The following EMID1 variants were observed in gnomAD, a reference collection of about 807,000 sequenced individuals.
EMID1 encodes the protein EMI domain containing 1, also known as EMI domain-containing protein 1.
In EMID1, 40 loss-of-function variants were observed where a neutral mutation model predicts 60.6. That is an observed-to-expected ratio of 0.66 (90% CI 0.51 to 0.86). The LOEUF (loss-of-function observed/expected upper bound fraction) is 0.86. Ranked by LOEUF, EMID1 falls within the 40% of genes least tolerant of loss-of-function variation. The probability of loss-of-function intolerance (pLI) is 0.00; values close to 1 mark genes in which losing one functional copy is unlikely to be tolerated. For synonymous variants in EMID1, 242 were observed against 231.0 expected (o/e 1.05, Z -0.43); for missense variants, 585 against 597.1 (o/e 0.98, Z 0.21).
chr22:29,216,774 C>A, intron 3 of EMID1: 1 of 601,496 alleles, frequency 1.7e-6, no homozygotes, highest in Non-Finnish European at 2.1e-6. Flanking sequence ...TCAGAACTCA[C>A]CACGCAGTGG....
chr22:29,249,590 A>T (rs75495924), intron 13 of EMID1, among the ~76,000 whole-genome samples: 170 of 30,334 alleles, frequency 5.6e-3, no homozygotes, highest in African/African-American at 0.014. Context: ...TACCTTTATT[A>T]TTTATTTATT....
At chr22:29,243,324 G>A (rs954906411) in intron 12 of EMID1, 121 bp from the exon 13 acceptor site, 2 of 983,666 alleles carry the variant, frequency 2.0e-6, no homozygotes, top group African/African-American at 3.2e-5. Flanking sequence ...TCCAATACAA[G>A]CTACTTTCTG....
Position 29,238,254 on chromosome 22 carries a change from A to AATTATTATT in EMID1, c.1074+3946_1074+3954dup, listed in dbSNP as rs3066719. 1.0e-4 allele frequency among the ~76,000 whole-genome samples: 12 copies of AATTATTATT among 116,682 alleles called. 2 individuals are homozygous for AATTATTATT. Among genetic ancestry groups the AATTATTATT allele is most frequent in the Non-Finnish European group, 1.7e-4 (10 of 59,236 alleles). 76.5% of individuals were successfully genotyped at this position (116,682 alleles called of 152,430 possible). ...TTTGATTCTCTGAAGTTTTTCTAAA[A>AATTATTATT]ATTATTATTATTATTATTATTATTA... On this transcript the variant is annotated intron_variant, in intron 12 of 14. Transcript: ENST00000334018.
chr22:29,255,265 C>A, intron 14 of EMID1: 1 of 1,471,868 alleles, frequency 6.8e-7, no homozygotes, highest in Non-Finnish European at 9.1e-7. Context: ...CTCCATCTCC[C>A]ATCAGGCTCC....
In EMID1 at chr22:29,238,575, G is replaced by A. The variant is rs1379277776; in HGVS notation, c.1074+4226G>A. ...TGGGATTACAGGCACCTGCCATCAC[G>A]CCCGGCTAATTTTTTGTATTTTTAG... is the stretch of plus-strand genomic sequence containing the variant. On this transcript the variant is annotated intron_variant, in intron 12 of 14. Coordinates refer to ENST00000334018, the MANE Select transcript of EMID1 (RefSeq NM_133455.4). Among the ~76,000 whole-genome samples the A allele has an allele frequency of 1.4e-5, 2 of 142,854 alleles. 1 individual carries two copies. The highest frequency in any genetic ancestry group is 5.6e-5 in the African/African-American group (2 of 35,884). 93.7% of individuals were successfully genotyped at this position (142,854 alleles called of 152,430 possible).
intron 13 of EMID1, among the ~76,000 whole-genome samples, chr22:29,244,656 AG>A (rs752876013): frequency 0.09 from 13,238 of 146,932 alleles, 869 homozygotes; most frequent in African/African-American, 0.14. Flanking sequence ...AAAAAAGAAA[AG>A]AAAAGAAAAT....
intron 3 of EMID1, among the ~76,000 whole-genome samples, chr22:29,222,834 A>G (rs976599491): frequency 2.0e-5 from 3 of 152,170 alleles, no homozygotes; most frequent in African/African-American, 2.4e-5. Context: ...GCTTATGCCT[A>G]TAATCCCAGC....
rs951452325 is a variant in EMID1, at chr22:29,206,002, C to T, written c.-37C>T. 10 of 1,181,086 alleles carry T rather than the reference C, an allele frequency of 8.5e-6. No homozygotes were observed. The African/African-American group carries it at 1.6e-4, about 19-fold the overall frequency. The allele number at this position is 1,181,086 out of a possible 1,614,324, so 73.2% of individuals were successfully genotyped here. On this transcript the variant is annotated 5_prime_UTR_variant, in exon 1 of 15. Coordinates refer to ENST00000334018, the MANE Select transcript of EMID1 (RefSeq NM_133455.4). ...GGGGAGGACAGGCTGGGGGCGGCGA[C>T]CGCGAGGGGCCGCGCGCGGAGGGCG...
chr22:29,242,380 A>G (rs2041185529), intron 12 of EMID1, among the ~76,000 whole-genome samples: 1 of 151,978 alleles, frequency 6.6e-6, no homozygotes, highest in Admixed American at 6.6e-5. Flanking sequence ...CTTTTTTATA[A>G]TTTATATATC....
intron 13 of EMID1, among the ~76,000 whole-genome samples, chr22:29,244,660 A>T (rs1462400562): frequency 1.3e-5 from 2 of 151,354 alleles, no homozygotes. Context: ...AAGAAAAGAA[A>T]AGAAAATAGA....
chr22:29,206,243 G>A, intron 1 of EMID1, 104 bp downstream of exon 1: 1 of 913,810 alleles, frequency 1.1e-6, no homozygotes, highest in Non-Finnish European at 1.4e-6. Context: ...CCAGTCCCCA[G>A]CCCGGGTGAG....
intron 12 of EMID1, among the ~76,000 whole-genome samples, chr22:29,239,872 G>T (rs1486884893): frequency 6.6e-6 from 1 of 150,908 alleles, no homozygotes; most frequent in Admixed American, 6.6e-5. Context: ...TGATTCTCGT[G>T]CATCAACCTC....
At position 29,258,953 on chromosome 22, in the gene EMID1, G is replaced by A. The variant is rs752920154; in HGVS notation, c.*9G>A. 3.1e-6 allele frequency: 5 copies of A among 1,610,696 alleles called. No homozygotes were observed. In the South Asian group the frequency reaches 4.4e-5, roughly 14 times the overall value. On this transcript the variant is annotated 3_prime_UTR_variant, in exon 15 of 15. Transcript: ENST00000334018. ...GGGACGAGAGAGGCTGAGGGTGGTG[G>A]CGGCCCCTGAGGCAGACCAGGCCAG...
rs73401075 is a variant in EMID1, at chr22:29,254,588, T to A, written c.1204+301T>A. ...GGAACCAGAGATGAAAGATTTTAAGTTTGGAAGAAATTATGGGCAATGGAA... is the reference window on the plus strand; with the variant it reads ...GGAACCAGAGATGAAAGATTTTAAGATTGGAAGAAATTATGGGCAATGGAA... On this transcript the variant is annotated intron_variant, in intron 14 of 14. Transcript: ENST00000334018. 4.2e-3 allele frequency: 1,372 copies of A among 323,660 alleles called. 18 individuals carry two copies. Among genetic ancestry groups the A allele is most frequent in the African/African-American group, 0.027 (1,279 of 47,128 alleles). 20.0% of individuals were successfully genotyped at this position (323,660 alleles called of 1,614,324 possible).
In EMID1 at chr22:29,215,019, C is replaced by A; in HGVS notation, c.195C>A (p.Pro65=). The A allele has an allele frequency of 4.5e-6, 7 of 1,546,324 alleles. No homozygotes were observed. Among genetic ancestry groups the A allele is most frequent in the Non-Finnish European group, 6.1e-6 (7 of 1,142,632 alleles). The stretch of plus-strand genomic sequence containing the variant: ...GAGTGCTGCAGAACTGCCCCTGGCC[C>A]ATGAGCTGTCCGGGGAGCAGGTAAA... The part of the protein sequence containing the change: ...LQRVLQNCPW[P]MSCPGSSYRT... Residue 65 remains proline (P), a synonymous_variant, in exon 2 of 15, where the codon CCC becomes CCA. Transcript: ENST00000334018.
chr22:29,215,729 G>A, intron 3 of EMID1, 99 bp downstream of exon 3: 1 of 925,682 alleles, frequency 1.1e-6, no homozygotes, highest in Non-Finnish European at 1.7e-6. Context: ...GTCATGCACA[G>A]TACCATGCCT....
At chr22:29,239,639 T>A (rs764245795) in intron 12 of EMID1, among the ~76,000 whole-genome samples, 2 of 152,236 alleles carry the variant, frequency 1.3e-5, no homozygotes, top group Non-Finnish European at 2.9e-5. Flanking sequence ...CCTTGTAATT[T>A]TTCACTGGAA....
In EMID1 at chr22:29,215,638, T is replaced by A. The variant is rs1307948383; in HGVS notation, c.319+8T>A. Reference sequence around the variant, plus strand: ...GAGTGAGCTGCGAGGAAGGTAGGACTGCCCGGCCGGCTCCCGGAGCCCTGC... The same window carrying A: ...GAGTGAGCTGCGAGGAAGGTAGGACAGCCCGGCCGGCTCCCGGAGCCCTGC... On this transcript the variant is annotated splice_region_variant and intron_variant, in intron 3 of 14. Coordinates refer to ENST00000334018, the MANE Select transcript of EMID1 (RefSeq NM_133455.4). 6.2e-7 allele frequency: 1 copy of A among 1,613,140 alleles called. No homozygotes were observed. Among genetic ancestry groups the A allele is most frequent in the Middle Eastern group, 1.7e-4 (1 of 6,056 alleles).
intron 5 of EMID1, among the ~76,000 whole-genome samples, chr22:29,228,316 A>T (rs1305386498): frequency 6.6e-6 from 1 of 152,090 alleles, no homozygotes; most frequent in African/African-American, 2.4e-5. Context: ...ACAGAGCGAG[A>T]CTCCGTCTCA....
Sources: allele counts gnomAD v4.1 joint callset (sites outside exome capture counted in the v4.1 genomes callset), GRCh38; gene constraint gnomAD v4.1.1; transcripts MANE v1.5; gene names NCBI Gene and HGNC (gene_info 2026-07-23, HGNC 2026-07-21).